The following XKR4 variants were observed in gnomAD, a reference collection of about 807,000 sequenced individuals.
The protein encoded by XKR4 is XK related 4, also known as XK-related protein 4.
XKR4 carries 12 observed loss-of-function variants against 53.9 expected under a neutral mutation model. The ratio of observed to expected loss-of-function variants is 0.22; its 90% CI spans 0.14 to 0.36. The LOEUF is 0.36. Among genes scored for constraint, XKR4 ranks in the 10% least tolerant of loss-of-function variants. The pLI is 1.00. For synonymous variants in XKR4, 354 were observed against 362.4 expected, an observed-to-expected ratio of 0.98 and a Z score of 0.26; for missense variants, 799 against 859.5, an observed-to-expected ratio of 0.93 and a Z score of 0.88.
At position 55,528,730 on chromosome 8, in the gene XKR4, G is replaced by C. The variant is rs2129406465; in HGVS notation, c.*4503G>C. ...TCCTATAATTTCAGTGACAGATGCA[G>C]ATCAACGTTCCTTTGTCTCGGCAAT... On this transcript the variant is annotated 3_prime_UTR_variant, in exon 3 of 3. Coordinates refer to ENST00000327381, the MANE Select transcript of XKR4 (RefSeq NM_052898.2). The C allele has an allele frequency of 6.6e-6, 1 of 152,264 alleles. No individual in the cohort carries two copies. Among genetic ancestry groups the C allele is most frequent in the East Asian group, 1.9e-4 (1 of 5,186 alleles). The allele number at this position is 152,264 out of a possible 1,614,324, so 9.4% of individuals were successfully genotyped here.
At chr8:55,333,870 G>A (rs1471813869) in intron 1 of XKR4, among the ~76,000 whole-genome samples, 1 of 152,112 alleles carries the variant, frequency 6.6e-6, no homozygotes, top group African/African-American at 2.4e-5. Context: ...ATGGGGCAAA[G>A]GTGAGTAAAA....
At chr8:55,511,961 G>A (rs1180817695) in intron 2 of XKR4, among the ~76,000 whole-genome samples, 1 of 152,108 alleles carries the variant, frequency 6.6e-6, no homozygotes, top group Non-Finnish European at 1.5e-5. Flanking sequence ...GTGGAGTGGG[G>A]AGGGCAAAAC....
At chr8:55,361,615 G>C (rs1444852840) in intron 2 of XKR4, among the ~76,000 whole-genome samples, 1 of 151,744 alleles carries the variant, frequency 6.6e-6, no homozygotes, top group Non-Finnish European at 1.5e-5. Flanking sequence ...CTTCTCCTTG[G>C]AGCAGTCCTA....
At chr8:55,426,091 C>T (rs1029535961) in intron 2 of XKR4, among the ~76,000 whole-genome samples, 57 of 152,284 alleles carry the variant, frequency 3.7e-4, no homozygotes, top group African/African-American at 1.3e-3. Flanking sequence ...GGAGCTATCT[C>T]TGGGGTGATA....
intron 1 of XKR4, among the ~76,000 whole-genome samples, chr8:55,225,437 G>A (rs1443842195): frequency 1.3e-5 from 2 of 152,116 alleles, no homozygotes; most frequent in Admixed American, 1.3e-4. Context: ...AGTCTAAATG[G>A]GCTATATAAT....
chr8:55,196,749 G>T (rs1369532960), intron 1 of XKR4, among the ~76,000 whole-genome samples: 1 of 152,138 alleles, frequency 6.6e-6, no homozygotes, highest in Admixed American at 6.5e-5. Context: ...TCTATTAAAA[G>T]AATAAGAATG....
At chr8:55,242,224 T>C (rs762644062) in intron 1 of XKR4, among the ~76,000 whole-genome samples, 17 of 152,196 alleles carry the variant, frequency 1.1e-4, no homozygotes, top group Non-Finnish European at 1.8e-4. Flanking sequence ...CTGATTAGCA[T>C]GTGTTTCTTC....
At chr8:55,520,808 T>C (rs1806786700) in intron 2 of XKR4, 1 of 152,506 alleles carries the variant, frequency 6.6e-6, no homozygotes, top group African/African-American at 2.4e-5. Flanking sequence ...ATTACTCTTT[T>C]AGGACACGCA....
At chr8:55,443,872 A>T (rs1437117996) in intron 2 of XKR4, among the ~76,000 whole-genome samples, 18 of 151,624 alleles carry the variant, frequency 1.2e-4, no homozygotes, top group East Asian at 1.2e-3. Context: ...AAGAAAAAAA[A>T]AGAAAAAATC....
At chr8:55,392,206 A>G (rs879930156) in intron 2 of XKR4, among the ~76,000 whole-genome samples, 2 of 152,170 alleles carry the variant, frequency 1.3e-5, no homozygotes, top group Admixed American at 6.6e-5. Flanking sequence ...GAACACACCA[A>G]TAGTCCTGAT....
In XKR4 at chr8:55,357,905, T is replaced by C. The variant is rs745752647; in HGVS notation, c.1006+28T>C. The C allele has an allele frequency of 2.0e-5, 32 of 1,595,796 alleles. No individual in the cohort carries two copies. The South Asian group carries it at 3.6e-4, about 18-fold the overall frequency. On this transcript the variant is annotated intron_variant, in intron 2 of 2. Coordinates refer to ENST00000327381, the MANE Select transcript of XKR4 (RefSeq NM_052898.2). ...AAGGGCTTGCAATTTGGTTTCTGAATTTGGGGAAAGATTGACTGGCTACTT... is the reference window on the plus strand; with the variant it reads ...AAGGGCTTGCAATTTGGTTTCTGAACTTGGGGAAAGATTGACTGGCTACTT...
At chr8:55,156,497 A>G (rs1816908714) in intron 1 of XKR4, among the ~76,000 whole-genome samples, 1 of 151,990 alleles carries the variant, frequency 6.6e-6, no homozygotes, top group Non-Finnish European at 1.5e-5. Context: ...ACAGGTGTTC[A>G]CTAATAGTTC....
intron 1 of XKR4, among the ~76,000 whole-genome samples, chr8:55,104,128 G>A (rs963600020): frequency 6.6e-6 from 1 of 151,936 alleles, no homozygotes; most frequent in Non-Finnish European, 1.5e-5. Flanking sequence ...TTATAAACTG[G>A]AATACAAGGC....
At position 55,376,401 on chromosome 8, in the gene XKR4, A is replaced by G. The variant is rs182007247; in HGVS notation, c.1006+18524A>G. On this transcript the variant is annotated intron_variant, in intron 2 of 2. Coordinates refer to ENST00000327381, the MANE Select transcript of XKR4 (RefSeq NM_052898.2). ...CCTCACCAGTATCTGCTATTTCTTG[A>G]CTTTTTAATCATCATCATTCTGATT... 5.4e-3 allele frequency among the ~76,000 whole-genome samples: 821 copies of G among 152,118 alleles called. 9 individuals carry two copies. Among genetic ancestry groups the G allele is most frequent in the Non-Finnish European group, 8.2e-3 (556 of 67,982 alleles).
At chr8:55,241,807 A>T (rs1440748810) in intron 1 of XKR4, among the ~76,000 whole-genome samples, 2 of 152,152 alleles carry the variant, frequency 1.3e-5, no homozygotes, top group Non-Finnish European at 2.9e-5. Context: ...AAAGTGCTTA[A>T]CATCTAACAG....
chr8:55,448,761 A>G (rs1217325745), intron 2 of XKR4, among the ~76,000 whole-genome samples: 1 of 152,278 alleles, frequency 6.6e-6, no homozygotes, highest in Non-Finnish European at 1.5e-5. Flanking sequence ...GCTTTGCTTC[A>G]TAGAACAGGG....
At chr8:55,338,884 A>G (rs1029887984) in intron 1 of XKR4, among the ~76,000 whole-genome samples, 1 of 152,254 alleles carries the variant, frequency 6.6e-6, no homozygotes, top group Admixed American at 6.5e-5. Flanking sequence ...AACATTTCTT[A>G]GGCCAGTAAG....
intron 2 of XKR4, among the ~76,000 whole-genome samples, chr8:55,423,597 G>T (rs1804969113): frequency 6.6e-6 from 1 of 152,150 alleles, no homozygotes; most frequent in Non-Finnish European, 1.5e-5. Flanking sequence ...CTATCCCTCA[G>T]ATTAAGTGCT....
At chr8:55,295,978 G>C (rs1819095889) in intron 1 of XKR4, among the ~76,000 whole-genome samples, 1 of 152,162 alleles carries the variant, frequency 6.6e-6, no homozygotes, top group South Asian at 2.1e-4. Context: ...ACCTGTTGTA[G>C]CAGAGAAATT....
Sources: allele counts gnomAD v4.1 joint callset (sites outside exome capture counted in the v4.1 genomes callset), GRCh38; gene constraint gnomAD v4.1.1; transcripts MANE v1.5; gene names NCBI Gene and HGNC (gene_info 2026-07-23, HGNC 2026-07-21).